NLRP5: variants seen among roughly 807,000 people sequenced by gnomAD.
NLRP5 encodes the protein NACHT, LRR and PYD domains-containing protein 5.
A neutral mutation model predicts 113.1 loss-of-function variants in NLRP5; 93 were observed. That is an observed-to-expected ratio of 0.82 (90% CI 0.70 to 0.98). The LOEUF (loss-of-function observed/expected upper bound fraction) is 0.98, where lower values mean the gene tolerates loss of function less well. Among genes scored for constraint, NLRP5 ranks in the 50% least tolerant of loss-of-function variants. The pLI is 0.00. For missense variants in NLRP5, 1,808 were observed against 1,514.3 expected (o/e 1.19, Z -3.22); for synonymous variants, 751 against 600.7 (o/e 1.25, Z -3.66).
intron 7 of NLRP5, among the ~76,000 whole-genome samples, chr19:56,030,851 C>T (rs777556176): frequency 1.7e-4 from 25 of 151,342 alleles, no homozygotes; most frequent in Non-Finnish European, 3.4e-4. Flanking sequence ...AGTAGCTGGA[C>T]TACAGTTGCC....
intron 10 of NLRP5, 32 bp downstream of exon 10, chr19:56,038,227 C>G (rs759550470): frequency 3.8e-6 from 6 of 1,573,642 alleles, no homozygotes; most frequent in Non-Finnish European, 3.5e-6. Context: ...CCAGGATTAT[C>G]GTAACTTCCA....
chr19:56,020,872 G>A (rs533900434), intron 6 of NLRP5, among the ~76,000 whole-genome samples: 6 of 143,750 alleles, frequency 4.2e-5, no homozygotes, highest in Non-Finnish European at 9.2e-5. Context: ...TGCCTTCGTG[G>A]CATTTTTTTT....
intron 10 of NLRP5, 29 bp from the exon 11 acceptor site, chr19:56,040,893 A>T: frequency 1.2e-6 from 2 of 1,602,742 alleles, no homozygotes; most frequent in Non-Finnish European, 1.7e-6. Flanking sequence ...GCATCTCATC[A>T]TGTCCTCTCT....
chr19:55,998,708 G>GTGTGTGTGTATATATATATA (rs1981456474), upstream of NLRP5, among the ~76,000 whole-genome samples: 1 of 59,354 alleles, frequency 1.7e-5, no homozygotes, highest in Non-Finnish European at 3.0e-5. Flanking sequence ...ATATATGTGT[G>GTGTGTGTGTATATATATATA]TGTGTGTATA....
chr19:56,008,909 G>A (rs1266511848), intron 3 of NLRP5, 56 bp downstream of exon 3: 5 of 1,470,390 alleles, frequency 3.4e-6, no homozygotes, highest in African/African-American at 2.8e-5. Flanking sequence ...ATGGCAGCCA[G>A]TTTGCATCTC....
Position 56,005,277 on chromosome 19 carries a change from A to G in NLRP5, c.442+1182A>G, listed in dbSNP as rs1213986264. 3.4e-5 allele frequency among the ~76,000 whole-genome samples: 5 copies of G among 147,722 alleles called. No individual in the cohort carries two copies. The Admixed American group carries it at 3.4e-4, about 10-fold the overall frequency. On this transcript the variant is annotated intron_variant, in intron 2 of 14. Transcript: ENST00000390649. ...TATTTATATATACACATACACATAT[A>G]CACATATATTTTTATATATACACAT...
intron 7 of NLRP5, among the ~76,000 whole-genome samples, chr19:56,028,988 C>A (rs1982988414): frequency 6.6e-6 from 1 of 152,162 alleles, no homozygotes; most frequent in South Asian, 2.1e-4. Flanking sequence ...TGGTCTCGAA[C>A]TCCTGACCTC....
intron 9 of NLRP5, among the ~76,000 whole-genome samples, chr19:56,034,440 C>G (rs1385997871): frequency 6.6e-6 from 1 of 152,210 alleles, no homozygotes; most frequent in Non-Finnish European, 1.5e-5. Flanking sequence ...ATCTTACATA[C>G]TATCGCATAA....
chr19:56,044,845 ATG>A (rs1324780536), intron 11 of NLRP5, among the ~76,000 whole-genome samples: 1 of 152,126 alleles, frequency 6.6e-6, no homozygotes, highest in African/African-American at 2.4e-5. Context: ...TGAGCATGGG[ATG>A]TGTGTCCATT....
intron 2 of NLRP5, 134 bp downstream of exon 2, chr19:56,004,229 A>AT: frequency 1.1e-6 from 1 of 938,516 alleles, no homozygotes; most frequent in Non-Finnish European, 1.6e-6. Context: ...GAAGGATCCT[A>AT]TTGGTCATCG....
chr19:56,020,628 TAC>T (rs1372719221), intron 6 of NLRP5, among the ~76,000 whole-genome samples, 197 bp downstream of exon 6: 1 of 151,656 alleles, frequency 6.6e-6, no homozygotes, highest in Non-Finnish European at 1.5e-5. Context: ...TGTGATTATC[TAC>T]AGTCAGATAC....
the NLRP5 span, among the ~76,000 whole-genome samples, chr19:55,993,717 T>A: frequency 1.4e-5 from 2 of 147,138 alleles, no homozygotes; most frequent in Non-Finnish European, 3.0e-5. Flanking sequence ...GTAAAATACA[T>A]TCAGTATTTA....
At chr19:56,008,058 A>G (rs1982015835) in intron 2 of NLRP5, among the ~76,000 whole-genome samples, 1 of 136,106 alleles carries the variant, frequency 7.3e-6, no homozygotes, top group Non-Finnish European at 1.6e-5. Flanking sequence ...CCTCCCGAGT[A>G]GCTGGGACTA....
In NLRP5 at chr19:56,056,964, A is replaced by C. The variant is rs556902251; in HGVS notation, c.3300-1276A>C. Among the ~76,000 whole-genome samples, 12 of 151,974 alleles carry C rather than the reference A, an allele frequency of 7.9e-5. No individual in the cohort carries two copies. In the South Asian group the frequency reaches 8.3e-4, roughly 11 times the overall value. On this transcript the variant is annotated intron_variant, in intron 13 of 14. Coordinates refer to ENST00000390649, the MANE Select transcript of NLRP5 (RefSeq NM_153447.4). ...AGACCAGACTGGCCAACATGATGAA[A>C]CCCCGTCTATACTAAAAATACAAAA...
intron 12 of NLRP5, 23 bp from the exon 13 acceptor site, chr19:56,053,615 T>C: frequency 6.2e-7 from 1 of 1,603,316 alleles, no homozygotes; most frequent in Non-Finnish European, 8.5e-7. Flanking sequence ...AGGCAGACTC[T>C]CTCTATTCCC....
intron 7 of NLRP5, among the ~76,000 whole-genome samples, 186 bp from the exon 8 acceptor site, chr19:56,032,425 C>T (rs908888596): frequency 9.9e-5 from 15 of 151,970 alleles, no homozygotes; most frequent in Admixed American, 4.6e-4. Context: ...TCGGTATATC[C>T]GGGAGGCAGG....
intron 3 of NLRP5, among the ~76,000 whole-genome samples, chr19:56,012,664 A>T (rs1342311063): frequency 2.9e-5 from 2 of 69,524 alleles, no homozygotes; most frequent in East Asian, 4.3e-4. Context: ...CGATCTTACA[A>T]TTATTTTCCT....
chr19:55,999,052 C>A (rs534621474), upstream of NLRP5, among the ~76,000 whole-genome samples: 1 of 151,826 alleles, frequency 6.6e-6, no homozygotes, highest in Non-Finnish European at 1.5e-5. Flanking sequence ...AAACTCATTT[C>A]TCTGACTGAA....
At chr19:56,026,275 T>C (rs1477346760) in intron 6 of NLRP5, among the ~76,000 whole-genome samples, 1 of 151,888 alleles carries the variant, frequency 6.6e-6, no homozygotes, top group Non-Finnish European at 1.5e-5. Context: ...ATGCCTGTAA[T>C]CCCAGCACTT....
Sources: allele counts gnomAD v4.1 joint callset (sites outside exome capture counted in the v4.1 genomes callset), GRCh38; gene constraint gnomAD v4.1.1; transcripts MANE v1.5; gene names NCBI Gene and HGNC (gene_info 2026-07-23, HGNC 2026-07-21).